NCKAP5L: variants seen among roughly 807,000 people sequenced by gnomAD.
NCKAP5L encodes the protein nck-associated protein 5-like.
In NCKAP5L, 54 loss-of-function variants were observed where a neutral mutation model predicts 103.2. The ratio of observed to expected loss-of-function variants is 0.52; its 90% CI spans 0.42 to 0.66. The LOEUF is 0.66. Among genes scored for constraint, NCKAP5L ranks in the 30% least tolerant of loss-of-function variants. NCKAP5L has a pLI of 0.00. For missense variants in NCKAP5L, 1,733 were observed against 1,750.6 expected (o/e 0.99, Z 0.18); for synonymous variants, 762 against 748.6 (o/e 1.02, Z -0.29).
intron 1 of NCKAP5L, among the ~76,000 whole-genome samples, chr12:49,809,934 C>T (rs1397434381): frequency 2.6e-5 from 4 of 152,020 alleles, no homozygotes; most frequent in African/African-American, 9.7e-5. Context: ...TGGAAGGGGC[C>T]CCCTACATCC....
chr12:49,817,020 C>A (rs1229779151), intron 1 of NCKAP5L, among the ~76,000 whole-genome samples: 1 of 151,948 alleles, frequency 6.6e-6, no homozygotes, highest in Non-Finnish European at 1.5e-5. Flanking sequence ...AAAAAAAAAT[C>A]AGTAGCCTTT....
chr12:49,815,058 A>G (rs766849013), intron 1 of NCKAP5L, among the ~76,000 whole-genome samples: 5 of 152,206 alleles, frequency 3.3e-5, no homozygotes, highest in Admixed American at 1.3e-4. Context: ...CATGATATCA[A>G]GGTTTCTTGT....
At chr12:49,816,527 C>T (rs1344999971) in intron 1 of NCKAP5L, among the ~76,000 whole-genome samples, 11 of 136,800 alleles carry the variant, frequency 8.0e-5, no homozygotes, top group Admixed American at 7.2e-5. Context: ...AGGCTGGACG[C>T]GGTGGCTCAT....
Position 49,795,633 on chromosome 12 carries a change from G to A in NCKAP5L, c.2227C>T (p.Leu743Phe). 2 of 1,610,098 alleles carry A rather than the reference G, an allele frequency of 1.2e-6. No individual in the cohort carries two copies. The highest frequency in any genetic ancestry group is 1.7e-6 in the Non-Finnish European group (2 of 1,178,086). ...TNSLKQQEPGLMGDPGARVYS... is the reference protein window; with the variant it reads ...TNSLKQQEPGFMGDPGARVYS... ...ACTCGGGCCCCGGGATCCCCCATAA[G>A]TCCAGGTTCCTGCTGCTTCAGGCTG... Residue 743 changes from leucine (L) to phenylalanine (F), a missense_variant, in exon 8 of 13, where the codon CTT becomes TTT. Physicochemically the swap from Leu to Phe is conservative, Grantham distance 22 (BLOSUM62 0). Coordinates refer to ENST00000335999, the MANE Select transcript of NCKAP5L (RefSeq NM_001037806.4).
At chr12:49,798,582 G>A in intron 6 of NCKAP5L, 119 bp from the exon 7 acceptor site, 1 of 823,468 alleles carries the variant, frequency 1.2e-6, no homozygotes, top group Non-Finnish European at 2.0e-6. Flanking sequence ...CAGACTCCCA[G>A]CCCCAAATGC....
Position 49,795,170 on chromosome 12 carries a change from C to A in NCKAP5L, c.2690G>T (p.Arg897Leu), listed in dbSNP as rs1055278242. 6.2e-7 allele frequency: 1 copy of A among 1,604,626 alleles called. No individual in the cohort carries two copies. Among genetic ancestry groups the A allele is most frequent in the Non-Finnish European group, 8.5e-7 (1 of 1,176,398 alleles). Reference protein sequence around the residue: ...VMKGIEENVLRLQGQERAPGA... With the variant: ...VMKGIEENVLLLQGQERAPGA... ...AGGGGCTCGCTCCTGGCCCTGGAGC[C>A]GCAGCACGTTCTCCTCAATGCCCTT... Residue 897 changes from arginine to leucine, a missense_variant, in exon 8 of 13, where the codon CGG becomes CTG. Coordinates refer to ENST00000335999, the MANE Select transcript of NCKAP5L (RefSeq NM_001037806.4).
chr12:49,819,982 G>T (rs537902951), intron 1 of NCKAP5L, among the ~76,000 whole-genome samples: 1 of 152,320 alleles, frequency 6.6e-6, no homozygotes, highest in South Asian at 2.1e-4. Flanking sequence ...CAGTGCAGCT[G>T]GATCTAAGGA....
intron 1 of NCKAP5L, among the ~76,000 whole-genome samples, chr12:49,806,530 C>T (rs958459274): frequency 6.6e-5 from 10 of 152,250 alleles, no homozygotes; most frequent in East Asian, 1.9e-4. Flanking sequence ...ATAGCACAGG[C>T]GCTTTCTTCC....
chr12:49,804,863 C>T (rs1307265203), intron 2 of NCKAP5L: 1 of 152,288 alleles, frequency 6.6e-6, no homozygotes, highest in African/African-American at 2.4e-5. Flanking sequence ...GAGCCTGGGG[C>T]CTGGCGCCCT....
At chr12:49,793,474 C>G (rs376541244) in intron 9 of NCKAP5L, 41 bp from the exon 10 acceptor site, 23 of 1,574,480 alleles carry the variant, frequency 1.5e-5, no homozygotes, top group Middle Eastern at 1.7e-4. Context: ...ACTCCTCCCC[C>G]CTCCACACCC....
At chr12:49,809,691 C>A (rs1287782549) in intron 1 of NCKAP5L, among the ~76,000 whole-genome samples, 3 of 152,164 alleles carry the variant, frequency 2.0e-5, no homozygotes, top group African/African-American at 7.2e-5. Flanking sequence ...CAGCCAAGAT[C>A]AGCCCTGGGC....
At chr12:49,811,293 A>G (rs924488022) in intron 1 of NCKAP5L, among the ~76,000 whole-genome samples, 2 of 152,058 alleles carry the variant, frequency 1.3e-5, no homozygotes, top group African/African-American at 4.8e-5. Flanking sequence ...CAGCTCAAGT[A>G]AGAGAGCTGC....
chr12:49,797,501 G>T lies in NCKAP5L; in HGVS notation c.466-107C>A. On this transcript the variant is annotated intron_variant, in intron 7 of 12. Transcript: ENST00000335999. This position sits in a 1 kb window ranked among gnomAD's most constrained non-coding sequence, Gnocchi z 4.5. Reference sequence around the variant, plus strand: ...ACAGGGAATGCCAGGAACAGAGCTGGCCTGGTTGTGTCTGTGTCCCCAAAA... The same window carrying T: ...ACAGGGAATGCCAGGAACAGAGCTGTCCTGGTTGTGTCTGTGTCCCCAAAA... 1.2e-6 allele frequency: 1 copy of T among 815,730 alleles called. No homozygotes were observed. Among genetic ancestry groups the T allele is most frequent in the Non-Finnish European group, 1.9e-6 (1 of 526,576 alleles). 50.5% of individuals were successfully genotyped at this position (815,730 alleles called of 1,614,324 possible). A position where few individuals can be genotyped will look rare whatever the true frequency, so the allele number is the denominator to read the frequency against.
At chr12:49,803,658 G>A (rs1486723931) in intron 3 of NCKAP5L, among the ~76,000 whole-genome samples, 1 of 152,178 alleles carries the variant, frequency 6.6e-6, no homozygotes, top group Admixed American at 6.5e-5. Flanking sequence ...GGTAAGGAAG[G>A]GAGGTGTTTG....
At position 49,796,977 on chromosome 12, in the gene NCKAP5L, C is replaced by A. The variant is rs1239581926; in HGVS notation, c.883G>T (p.Gly295Cys). The change falls in exon 8 of 13, where the codon GGC (glycine) becomes TGC (cysteine). Residue 295 changes from glycine to cysteine, a missense_variant. By Grantham distance (159) the Gly-to-Cys change is radical. Coordinates refer to ENST00000335999, the MANE Select transcript of NCKAP5L (RefSeq NM_001037806.4). Reference protein sequence around the residue: ...GTSSGPNCAPGSSSSSSSDEA... With the variant: ...GTSSGPNCAPCSSSSSSSDEA... ...TCAGAAGAGGAGGAGGAGCTGCTGC[C>A]TGGGGCACAGTTTGGGCCAGAGCTG... The A allele has an allele frequency of 1.3e-6, 2 of 1,599,476 alleles. No homozygotes were observed. The highest frequency in any genetic ancestry group is 1.7e-6 in the Non-Finnish European group (2 of 1,173,706).
Position 49,796,332 on chromosome 12 carries a change from C to G in NCKAP5L, c.1528G>C (p.Glu510Gln), listed in dbSNP as rs780297130. 1.9e-6 allele frequency: 3 copies of G among 1,545,490 alleles called. No individual in the cohort carries two copies. Among genetic ancestry groups the G allele is most frequent in the South Asian group, 2.5e-5 (2 of 79,786 alleles). ...CCTTGCGCCCCCTCTGGGGACAGCT[C>G]TCCTCCACCCAGACCCCTTCGGGCC... The part of the protein sequence containing the change: ...LLARRGLGGG[E>Q]LSPEGAQGLP... Residue 510 changes from glutamate to glutamine, a missense_variant, in exon 8 of 13, where the codon GAG (glutamate) becomes CAG (glutamine). Coordinates refer to ENST00000335999, the MANE Select transcript of NCKAP5L (RefSeq NM_001037806.4).
Position 49,792,076 on chromosome 12 carries a change from A to G in NCKAP5L, c.3793-25T>C. The G allele has an allele frequency of 1.3e-6, 2 of 1,498,906 alleles. No individual in the cohort carries two copies. Among genetic ancestry groups the G allele is most frequent in the South Asian group, 1.3e-5 (1 of 74,612 alleles). The allele number at this position is 1,498,906 out of a possible 1,614,324, so 92.9% of individuals were successfully genotyped here. Reference sequence around the variant, plus strand: ...CCTGGGAAAGGAGGGGCAGCTCGGGAGGAAGCTCCTCTCCACCTTTCGGCC... The same window carrying G: ...CCTGGGAAAGGAGGGGCAGCTCGGGGGGAAGCTCCTCTCCACCTTTCGGCC... On this transcript the variant is annotated intron_variant, in intron 12 of 12. Transcript: ENST00000335999. This position sits in a 1 kb window ranked among gnomAD's most constrained non-coding sequence, Gnocchi z 4.5.
At chr12:49,819,420 C>T (rs1198960201) in intron 1 of NCKAP5L, among the ~76,000 whole-genome samples, 2 of 152,184 alleles carry the variant, frequency 1.3e-5, no homozygotes, top group East Asian at 3.9e-4. Flanking sequence ...GATATGGAAC[C>T]AACCTAAGTA....
rs193197188 is a variant in NCKAP5L, at chr12:49,819,929, G to A, written c.-99+8393C>T. ...CAGAAGGAAAGGCAGCAACAGAAGT[G>A]AGGAGGCAGAAACCTCTGGGTGTAT... On this transcript the variant is annotated intron_variant, in intron 1 of 12. Transcript: ENST00000335999. Among the ~76,000 whole-genome samples, 201 of 152,364 alleles carry A rather than the reference G, an allele frequency of 1.3e-3. 2 individuals carry two copies. Among genetic ancestry groups the A allele is most frequent in the Non-Finnish European group, 2.5e-4 (17 of 68,048 alleles).
Sources: gnomAD v4.1 joint callset for allele counts (sites outside exome capture counted in the v4.1 genomes callset) on GRCh38, gnomAD v4.1.1 for gene constraint, Gnocchi (gnomAD v3.1) non-coding constraint, MANE v1.5 for transcripts, NCBI Gene and HGNC (gene_info 2026-07-23, HGNC 2026-07-21) for gene names.